The following TENM2 variants were observed in gnomAD, a reference collection of about 807,000 sequenced individuals.
The protein encoded by TENM2 is teneurin transmembrane protein 2, also known as teneurin-2.
TENM2 carries 52 observed loss-of-function variants against 245.2 expected under a neutral mutation model. That is an observed-to-expected ratio of 0.21 (90% CI 0.17 to 0.27). The LOEUF (loss-of-function observed/expected upper bound fraction) is 0.27, where lower values mean the gene tolerates loss of function less well. Among genes scored for constraint, TENM2 ranks in the 10% least tolerant of loss-of-function variants. TENM2 has a pLI of 1.00. For synonymous variants in TENM2, 1,363 were observed against 1,438.9 expected (o/e 0.95, Z 1.19); for missense variants, 3,046 against 3,666.8 (o/e 0.83, Z 4.37).
At chr5:168,102,444 C>T (rs1158301502) in intron 9 of TENM2, among the ~76,000 whole-genome samples, 2 of 152,162 alleles carry the variant, frequency 1.3e-5, no homozygotes, top group South Asian at 2.1e-4. Context: ...GAAATGTTAG[C>T]GCCCCCATTA....
At chr5:167,889,462 T>C (rs539485632) in intron 3 of TENM2, among the ~76,000 whole-genome samples, 2 of 152,330 alleles carry the variant, frequency 1.3e-5, no homozygotes, top group African/African-American at 2.4e-5. Flanking sequence ...TCTGTGGTAA[T>C]GGAGCACTCG....
intron 2 of TENM2, among the ~76,000 whole-genome samples, chr5:167,783,726 G>A (rs1764367196): frequency 6.6e-6 from 1 of 152,132 alleles, no homozygotes; most frequent in Non-Finnish European, 1.5e-5. Context: ...GAAACCATCA[G>A]CCAGTATCTG....
intron 3 of TENM2, among the ~76,000 whole-genome samples, chr5:167,889,506 A>G (rs1311218533): frequency 6.6e-6 from 1 of 151,926 alleles, no homozygotes; most frequent in Non-Finnish European, 1.5e-5. Flanking sequence ...CATCTCAATG[A>G]CCTTTTGCAT....
At chr5:168,092,400 C>T (rs2152256506) in intron 8 of TENM2, among the ~76,000 whole-genome samples, 1 of 152,302 alleles carries the variant, frequency 6.6e-6, no homozygotes, top group South Asian at 2.1e-4. Flanking sequence ...CATCTGTTTA[C>T]ATATTGTCTA....
At chr5:167,612,699 A>T (rs997249552) in intron 2 of TENM2, among the ~76,000 whole-genome samples, 4 of 152,130 alleles carry the variant, frequency 2.6e-5, no homozygotes, top group Admixed American at 2.6e-4. Flanking sequence ...GACTACAAGC[A>T]TGCTACATTT....
chr5:167,410,864 A>G (rs1762873209), intron 2 of TENM2, among the ~76,000 whole-genome samples: 1 of 152,050 alleles, frequency 6.6e-6, no homozygotes, highest in Admixed American at 6.6e-5. Context: ...TTTAGCATGG[A>G]AAAGAATGTC....
At chr5:167,859,461 TGAG>T (rs2151272454) in intron 2 of TENM2, among the ~76,000 whole-genome samples, 1 of 103,628 alleles carries the variant, frequency 9.6e-6, no homozygotes, top group African/African-American at 4.0e-5. Context: ...TACTGGGAAG[TGAG>T]GAGCCCCTCA....
At chr5:168,041,599 C>T (rs1445689448) in intron 5 of TENM2, among the ~76,000 whole-genome samples, 1 of 152,212 alleles carries the variant, frequency 6.6e-6, no homozygotes, top group Non-Finnish European at 1.5e-5. Flanking sequence ...ATTTTCAATG[C>T]ATCCCCCACC....
chr5:167,037,922 G>T, the TENM2 span, among the ~76,000 whole-genome samples: 14 of 152,198 alleles, frequency 9.2e-5, no homozygotes, highest in African/African-American at 3.4e-4. Context: ...ACGGCTAGGG[G>T]TAGGAGAAAG....
At chr5:167,784,450 T>C (rs1764428146) in intron 2 of TENM2, among the ~76,000 whole-genome samples, 1 of 152,222 alleles carries the variant, frequency 6.6e-6, no homozygotes, top group Non-Finnish European at 1.5e-5. Context: ...ATAATGGTTT[T>C]TATAGAAATC....
rs547474067 is a variant in TENM2, at chr5:167,547,155, G to A, written c.502+171682G>A. 5.8e-4 allele frequency among the ~76,000 whole-genome samples: 88 copies of A among 152,172 alleles called. 1 individual carries two copies. The highest frequency in any genetic ancestry group is 3.4e-3 in the Middle Eastern group (1 of 294). ...GGCTGGAGTGTAATGGCTTGATCTC[G>A]GCTCACTGCAACCTCCACCTACCAG... On this transcript the variant is annotated intron_variant, in intron 2 of 28. Transcript: ENST00000518659.
chr5:168,080,291 T>A (rs1451711720), intron 7 of TENM2, among the ~76,000 whole-genome samples: 1 of 152,226 alleles, frequency 6.6e-6, no homozygotes, highest in East Asian at 1.9e-4. Flanking sequence ...CTTTATCATT[T>A]TGTATTGCAT....
chr5:167,477,978 T>A (rs908680691), intron 2 of TENM2, among the ~76,000 whole-genome samples: 53 of 152,190 alleles, frequency 3.5e-4, no homozygotes, highest in African/African-American at 1.2e-3. Flanking sequence ...AGTTAGGGAA[T>A]TACGGTTCAT....
In TENM2 at chr5:167,500,447, A is replaced by T. The variant is rs79353075; in HGVS notation, c.502+124974A>T. Among the ~76,000 whole-genome samples the T allele has an allele frequency of 9.3e-3, 1,414 of 152,190 alleles. 25 individuals are homozygous for T. The highest frequency in any genetic ancestry group is 0.032 in the African/African-American group (1,342 of 41,534). Reference sequence around the variant, plus strand: ...TAAAAACATAATCTGCAGTGTAGCTAATTGTCAATAAATTTTCTCCATTAT... The same window carrying T: ...TAAAAACATAATCTGCAGTGTAGCTTATTGTCAATAAATTTTCTCCATTAT... On this transcript the variant is annotated intron_variant, in intron 2 of 28. Coordinates refer to ENST00000518659, the Ensembl canonical transcript of TENM2.
chr5:168,128,686 C>G (rs1796027834), intron 12 of TENM2, among the ~76,000 whole-genome samples: 1 of 152,260 alleles, frequency 6.6e-6, no homozygotes, highest in Admixed American at 6.5e-5. Flanking sequence ...CAAACTACGG[C>G]CAGAGGGCCA....
At chr5:167,800,431 C>T (rs529931289) in intron 2 of TENM2, among the ~76,000 whole-genome samples, 29 of 152,306 alleles carry the variant, frequency 1.9e-4, no homozygotes, top group South Asian at 6.2e-4. Context: ...TTTCTAATCA[C>T]GCATTATCCA....
intron 6 of TENM2, among the ~76,000 whole-genome samples, chr5:168,054,044 C>A (rs1156584200): frequency 6.6e-6 from 1 of 152,168 alleles, no homozygotes; most frequent in Non-Finnish European, 1.5e-5. Flanking sequence ...AATATTAATG[C>A]AGGAGCAAGT....
chr5:168,195,888 C>T (rs60353035), intron 15 of TENM2, among the ~76,000 whole-genome samples: 1 of 152,080 alleles, frequency 6.6e-6, no homozygotes, highest in African/African-American at 2.4e-5. Context: ...TGATTGGAAA[C>T]GTGTACCCGT....
chr5:167,761,613 T>C (rs1561750718), intron 2 of TENM2, among the ~76,000 whole-genome samples: 1 of 152,206 alleles, frequency 6.6e-6, no homozygotes, highest in East Asian at 1.9e-4. Context: ...TAGTTTTGAA[T>C]TATTAAGTTG....
Sources: allele counts gnomAD v4.1 joint callset (sites outside exome capture counted in the v4.1 genomes callset), GRCh38; gene constraint gnomAD v4.1.1; transcripts MANE v1.5; gene names NCBI Gene and HGNC (gene_info 2026-07-23, HGNC 2026-07-21).